The following ZRANB3 variants were observed in gnomAD, a reference collection of about 807,000 sequenced individuals.
ZRANB3 encodes the protein DNA annealing helicase and endonuclease ZRANB3.
A neutral mutation model predicts 133.8 loss-of-function variants in ZRANB3; 125 were observed. That is an observed-to-expected ratio of 0.93 (90% confidence interval 0.81 to 1.08). The LOEUF (loss-of-function observed/expected upper bound fraction) is 1.08, where lower values mean the gene tolerates loss of function less well. Ranked by LOEUF, ZRANB3 falls within the 50% of genes least tolerant of loss-of-function variation. ZRANB3 has a pLI of 0.00. For missense variants in ZRANB3, 1,229 were observed against 1,275.5 expected (o/e 0.96, Z 0.56); for synonymous variants, 387 against 432.7 (o/e 0.89, Z 1.31).
intron 2 of ZRANB3, among the ~76,000 whole-genome samples, chr2:135,462,739 C>CCCA (rs1690820344): frequency 6.6e-6 from 1 of 151,908 alleles, no homozygotes; most frequent in Non-Finnish European, 1.5e-5. Context: ...ATTACAGGTG[C>CCCA]CCACCATCAC....
rs539328065 is a variant in ZRANB3 at position 135,433,885 on chromosome 2, T to G, written c.162-43065A>C. On this transcript the variant is annotated intron_variant, in intron 2 of 20. Transcript: ENST00000264159. ...GGTGACGTGTGCCTGTAATCCCAGC[T>G]ACTTGGGAGGCTGAGGCAGGGGAAT... 4.6e-5 allele frequency among the ~76,000 whole-genome samples: 7 copies of G among 152,238 alleles called. No individual in the cohort carries two copies. The East Asian group carries it at 1.4e-3, about 29-fold the overall frequency.
At chr2:135,345,662 T>A (rs972239215) in intron 5 of ZRANB3, 27 bp from the exon 6 acceptor site, 5 of 1,447,522 alleles carry the variant, frequency 3.5e-6, no homozygotes, top group Non-Finnish European at 4.8e-6. Flanking sequence ...GTTTGTAGTA[T>A]GTTGTAATAT....
chr2:135,392,580 T>C (rs1687290632), intron 2 of ZRANB3, among the ~76,000 whole-genome samples: 1 of 152,110 alleles, frequency 6.6e-6, no homozygotes, highest in South Asian at 2.1e-4. Context: ...TGAAACCCTG[T>C]CTGTACTAAA....
intron 8 of ZRANB3, among the ~76,000 whole-genome samples, chr2:135,313,133 A>AAT (rs1683082297): frequency 6.6e-6 from 1 of 151,948 alleles, no homozygotes; most frequent in South Asian, 2.1e-4. Flanking sequence ...GGAAAAGATA[A>AAT]ATATATGGTT....
In ZRANB3 at chr2:135,457,595, T is replaced by C. The variant is rs75528548; in HGVS notation, c.161+46734A>G. Among the ~76,000 whole-genome samples, 276 of 152,254 alleles carry C rather than the reference T, an allele frequency of 1.8e-3. 2 individuals are homozygous for C. The highest frequency in any genetic ancestry group is 6.5e-3 in the African/African-American group (269 of 41,576). On this transcript the variant is annotated intron_variant, in intron 2 of 20. Transcript: ENST00000264159. ...AATGTCTATTCATATTTTTTGCCCA[T>C]TTTTTCATTGAGTTATCTTATTATT...
At chr2:135,315,576 T>G (rs1252604078) in intron 6 of ZRANB3, 46 bp from the exon 7 acceptor site, 4 of 1,309,824 alleles carry the variant, frequency 3.1e-6, no homozygotes, top group Admixed American at 3.7e-5. Context: ...AATGCTGGAG[T>G]TAAGAAAATA....
At chr2:135,384,917 C>A (rs1242455939) in intron 3 of ZRANB3, among the ~76,000 whole-genome samples, 2 of 152,048 alleles carry the variant, frequency 1.3e-5, no homozygotes, top group African/African-American at 4.8e-5. Flanking sequence ...GGAAGCATTC[C>A]CTTTGAAAGC....
intron 8 of ZRANB3, among the ~76,000 whole-genome samples, chr2:135,285,671 T>A (rs1573830507): frequency 6.6e-6 from 1 of 152,346 alleles, no homozygotes; most frequent in East Asian, 1.9e-4. Context: ...CCTCTAGAGA[T>A]AAGAAATTTT....
chr2:135,492,456 T>C (rs1692433528), intron 2 of ZRANB3, among the ~76,000 whole-genome samples: 1 of 152,156 alleles, frequency 6.6e-6, no homozygotes, highest in Non-Finnish European at 1.5e-5. Flanking sequence ...AATAAAGAAA[T>C]TTTATAATGA....
chr2:135,526,112 C>T (rs575555886), intron 1 of ZRANB3, among the ~76,000 whole-genome samples: 1 of 150,068 alleles, frequency 6.7e-6, no homozygotes, highest in South Asian at 2.1e-4. Context: ...TTCTAGATAG[C>T]TATTGCACAA....
At chr2:135,308,652 G>GACGA (rs1173914064) in intron 8 of ZRANB3, among the ~76,000 whole-genome samples, 1 of 151,974 alleles carries the variant, frequency 6.6e-6, no homozygotes, top group Non-Finnish European at 1.5e-5. Context: ...ATAGAATAGA[G>GACGA]ACGAGGTCTT....
At chr2:135,234,598 C>A (rs1042569117) in intron 12 of ZRANB3, among the ~76,000 whole-genome samples, 6 of 152,156 alleles carry the variant, frequency 3.9e-5, no homozygotes, top group African/African-American at 1.2e-4. Context: ...TCTCTCAGAC[C>A]ACAGTGCAAT....
intron 1 of ZRANB3, chr2:135,511,034 C>G (rs1166922565): frequency 7.7e-6 from 6 of 779,194 alleles, no homozygotes; most frequent in African/African-American, 5.1e-5. Context: ...GTTGTTCTCA[C>G]ATCCTTTGAT....
intron 2 of ZRANB3, among the ~76,000 whole-genome samples, chr2:135,501,862 T>A (rs1296618847): frequency 6.6e-6 from 1 of 152,202 alleles, no homozygotes; most frequent in Non-Finnish European, 1.5e-5. Context: ...TGCATGTGGC[T>A]GTCCCACTAT....
At chr2:135,409,800 C>A (rs2104952594) in intron 2 of ZRANB3, among the ~76,000 whole-genome samples, 1 of 152,230 alleles carries the variant, frequency 6.6e-6, no homozygotes, top group Non-Finnish European at 1.5e-5. Context: ...AATCAGCATA[C>A]AAAAATCAGT....
At position 135,217,627 on chromosome 2, in the gene ZRANB3, T is replaced by G; in HGVS notation, c.2353-20A>C. Reference sequence around the variant, plus strand: ...CAAAATCTGGCAGAAAATGAGATAATAAGAGTTAACAGCTCACAGGCAGAT... The same window carrying G: ...CAAAATCTGGCAGAAAATGAGATAAGAAGAGTTAACAGCTCACAGGCAGAT... On this transcript the variant is annotated intron_variant, in intron 16 of 20. Coordinates refer to ENST00000264159, the MANE Select transcript of ZRANB3 (RefSeq NM_032143.4). The G allele has an allele frequency of 1.9e-6, 3 of 1,607,968 alleles. No individual in the cohort carries two copies. The highest frequency in any genetic ancestry group is 2.5e-6 in the Non-Finnish European group (3 of 1,178,234).
chr2:135,509,905 C>T (rs138003088), intron 1 of ZRANB3, among the ~76,000 whole-genome samples: 50 of 152,096 alleles, frequency 3.3e-4, no homozygotes, highest in African/African-American at 1.1e-3. Flanking sequence ...TCAAAATTGT[C>T]AAATTTTCCA....
At chr2:135,230,407 G>A (rs1259745844) in intron 13 of ZRANB3, 106 bp downstream of exon 13, 1 of 1,016,048 alleles carries the variant, frequency 9.8e-7, no homozygotes, top group Non-Finnish European at 1.3e-6. Context: ...AGCTAAAGTT[G>A]TGCTGAGTCA....
chr2:135,376,667 G>A (rs1686444505), intron 3 of ZRANB3, among the ~76,000 whole-genome samples: 1 of 152,180 alleles, frequency 6.6e-6, no homozygotes, highest in South Asian at 2.1e-4. Flanking sequence ...AATATCAGTG[G>A]TTACCAGGGG....
Sources: gnomAD v4.1 joint callset for allele counts (sites outside exome capture counted in the v4.1 genomes callset) on GRCh38, gnomAD v4.1.1 for gene constraint, MANE v1.5 for transcripts, NCBI Gene and HGNC (gene_info 2026-07-23, HGNC 2026-07-21) for gene names.